The following VIRMA variants were observed in gnomAD, a reference collection of about 807,000 sequenced individuals.
The protein encoded by VIRMA is vir like m6A methyltransferase associated.
Under a neutral mutation model 182.4 loss-of-function variants are expected in VIRMA, and 65 were observed. That is an observed-to-expected ratio of 0.36 (90% confidence interval 0.29 to 0.44). The LOEUF is 0.44. Among genes scored for constraint, VIRMA ranks in the 20% least tolerant of loss-of-function variants. The pLI, the probability that VIRMA is intolerant of heterozygous loss-of-function variation, is 1.00. For synonymous variants in VIRMA, 709 were observed against 743.1 expected (o/e 0.95, Z 0.75); for missense variants, 1,752 against 2,158.1 (o/e 0.81, Z 3.73).
At chr8:94,502,898 A>G (rs1376769635) in intron 16 of VIRMA, among the ~76,000 whole-genome samples, 1 of 152,198 alleles carries the variant, frequency 6.6e-6, no homozygotes, top group Non-Finnish European at 1.5e-5. Flanking sequence ...AAGGGCACAG[A>G]AGCCAACCTG....
chr8:94,514,344 T>A (rs1430013358), intron 11 of VIRMA, among the ~76,000 whole-genome samples: 2 of 152,244 alleles, frequency 1.3e-5, no homozygotes, highest in Non-Finnish European at 2.9e-5. Flanking sequence ...TTAAATTGAA[T>A]ATAAAATTTT....
chr8:94,538,205 A>C, intron 3 of VIRMA, 55 bp downstream of exon 3: 3 of 1,077,472 alleles, frequency 2.8e-6, no homozygotes, highest in Non-Finnish European at 4.3e-6. Context: ...ATCAATCAAA[A>C]GGTGTTGCTT....
In VIRMA at chr8:94,499,420, G is replaced by A; in HGVS notation, c.4184C>T (p.Ser1395Phe). Residue 1395 changes from serine (S) to phenylalanine (F), a missense_variant, in exon 17 of 24, where the codon TCT (serine) becomes TTT (phenylalanine). Around this residue, in one of 11 missense-constraint regions of VIRMA, gnomAD observed 777 missense variants for 920.6 expected, o/e 0.84. Coordinates refer to ENST00000297591, the MANE Select transcript of VIRMA (RefSeq NM_015496.5). ...TTGTCTCATAAATTCTAAAAATGAA[G>A]ATGCAAGCTCTCCTGTGTCCTTACT... is the stretch of plus-strand genomic sequence containing the variant. ...TFSKDTGELA[S>F]SFLEFMRQIL... 6.2e-7 allele frequency: 1 copy of A among 1,604,430 alleles called. No individual in the cohort carries two copies. Among genetic ancestry groups the A allele is most frequent in the East Asian group, 2.2e-5 (1 of 44,592 alleles).
chr8:94,520,269 A>G (rs1814716933), intron 8 of VIRMA, among the ~76,000 whole-genome samples: 1 of 149,308 alleles, frequency 6.7e-6, no homozygotes, highest in South Asian at 2.1e-4. Flanking sequence ...CTGAGGCTGG[A>G]GGATCACTTG....
chr8:94,547,482 C>T (rs1586116946), intron 1 of VIRMA, among the ~76,000 whole-genome samples: 1 of 150,816 alleles, frequency 6.6e-6, no homozygotes, highest in South Asian at 2.1e-4. Context: ...TCTTCTCTTT[C>T]TACCCTCTCC....
intron 22 of VIRMA, 178 bp from the exon 23 acceptor site, chr8:94,490,260 T>C (rs1314472014): frequency 4.9e-6 from 3 of 606,712 alleles, no homozygotes; most frequent in Admixed American, 3.5e-5. Flanking sequence ...AGAGCCAAAC[T>C]GCCAGGGATC....
At chr8:94,492,352 C>T (rs1813630164) in intron 21 of VIRMA, among the ~76,000 whole-genome samples, 2 of 150,268 alleles carry the variant, frequency 1.3e-5, no homozygotes, top group African/African-American at 2.5e-5. Context: ...GGCGTGATCT[C>T]GGCTCAATGC....
At chr8:94,517,449 C>T (rs913795338) in intron 10 of VIRMA, among the ~76,000 whole-genome samples, 47 of 152,202 alleles carry the variant, frequency 3.1e-4, no homozygotes, top group African/African-American at 1.0e-3. Flanking sequence ...GTGATCCACC[C>T]GCCTTGGCCT....
intron 8 of VIRMA, among the ~76,000 whole-genome samples, chr8:94,524,492 A>G (rs1227654079): frequency 6.6e-6 from 1 of 151,642 alleles, no homozygotes; most frequent in Non-Finnish European, 1.5e-5. Flanking sequence ...TTTAGTAGAG[A>G]CAGGGTTTCG....
At position 94,519,323 on chromosome 8, in the gene VIRMA, A is replaced by G. The variant is rs1465688102; in HGVS notation, c.2175T>C (p.Tyr725=). 2 of 1,609,786 alleles carry G rather than the reference A, an allele frequency of 1.2e-6. No homozygotes were observed. ...QKGLLFFMSE[Y]EATNLLIRAL... The stretch of plus-strand genomic sequence containing the variant: ...CTCGGATCAATAAATTTGTTGCTTC[A>G]TATTCCGACATAAAAAAAAGAAGAC... Residue 725 remains tyrosine (Y), a synonymous_variant, in exon 9 of 24, where the codon TAT becomes TAC. Transcript: ENST00000297591.
At chr8:94,531,889 G>A (rs549057479) in intron 5 of VIRMA, among the ~76,000 whole-genome samples, 2 of 152,220 alleles carry the variant, frequency 1.3e-5, no homozygotes, top group African/African-American at 4.8e-5. Flanking sequence ...ATAATATGTT[G>A]AAGTTCAAGG....
At chr8:94,510,685 A>G in intron 13 of VIRMA, 33 bp from the exon 14 acceptor site, 1 of 1,447,060 alleles carries the variant, frequency 6.9e-7, no homozygotes, top group Non-Finnish European at 9.6e-7. Flanking sequence ...GTGTACGTAG[A>G]TTTTTTAATA....
At position 94,531,867 on chromosome 8, in the gene VIRMA, A is replaced by T. The variant is rs373197025; in HGVS notation, c.485-782T>A. The stretch of plus-strand genomic sequence containing the variant: ...CACCACTCAGCAATAAAAAACAACA[A>T]ACTATTTATATATAATATGTTGAAG... On this transcript the variant is annotated intron_variant, in intron 5 of 23. Coordinates refer to ENST00000297591, the MANE Select transcript of VIRMA (RefSeq NM_015496.5). 1.5e-4 allele frequency among the ~76,000 whole-genome samples: 23 copies of T among 152,342 alleles called. No individual in the cohort carries two copies. The East Asian group carries it at 4.0e-3, about 27-fold the overall frequency.
chr8:94,535,796 A>G (rs1054510495), intron 4 of VIRMA, among the ~76,000 whole-genome samples: 2 of 151,938 alleles, frequency 1.3e-5, no homozygotes, highest in Non-Finnish European at 2.9e-5. Context: ...AAAAAAAAAA[A>G]GTAAAGGAAC....
chr8:94,532,495 C>T (rs993517228), intron 5 of VIRMA, among the ~76,000 whole-genome samples: 5 of 152,176 alleles, frequency 3.3e-5, no homozygotes, highest in African/African-American at 1.2e-4. Flanking sequence ...CAAACAAGTG[C>T]GTGTCTATCT....
chr8:94,499,908 G>A (rs1199217221), intron 16 of VIRMA, among the ~76,000 whole-genome samples: 1 of 151,810 alleles, frequency 6.6e-6, no homozygotes, highest in African/African-American at 2.4e-5. Flanking sequence ...AATTAACGGG[G>A]GGTGGCAGCA....
intron 11 of VIRMA, among the ~76,000 whole-genome samples, chr8:94,514,493 T>C (rs1257478866): frequency 2.0e-5 from 3 of 152,174 alleles, no homozygotes; most frequent in Non-Finnish European, 4.4e-5. Flanking sequence ...CACCTAAATA[T>C]TTTGAGTGAA....
At chr8:94,509,655 CAGAG>C in intron 15 of VIRMA, 29 bp downstream of exon 15, 2 of 1,582,258 alleles carry the variant, frequency 1.3e-6, no homozygotes, top group South Asian at 2.4e-5. Context: ...CATACACATG[CAGAG>C]AGAGACTTTA....
In VIRMA at chr8:94,526,480, G is replaced by A. The variant is rs7835534; in HGVS notation, c.1764C>T (p.His588=). 0.053 allele frequency: 85,970 copies of A among 1,613,638 alleles called. 2,530 individuals are homozygous for A. Among genetic ancestry groups the A allele is most frequent in the Non-Finnish European group, 0.06 (70,747 of 1,179,826 alleles). The change falls in exon 8 of 24, where the codon CAC becomes CAT. Residue 588 remains histidine, a synonymous_variant. Coordinates refer to ENST00000297591, the MANE Select transcript of VIRMA (RefSeq NM_015496.5). ...SSLPNHSEPD[H]DTDAGLERTN... The stretch of plus-strand genomic sequence containing the variant: ...TTCTCTCAAGTCCAGCATCTGTGTC[G>A]TGATCAGGTTCACTGTGGTTAGGAA...
Sources: allele counts gnomAD v4.1 joint callset (sites outside exome capture counted in the v4.1 genomes callset), GRCh38; gene constraint gnomAD v4.1.1; regional missense constraint gnomAD v4.1.1; transcripts MANE v1.5; gene names NCBI Gene and HGNC (gene_info 2026-07-23, HGNC 2026-07-21).